The following FGF12 variants were observed in gnomAD, a reference collection of about 807,000 sequenced individuals.
The protein encoded by FGF12 is fibroblast growth factor 12B.
A neutral mutation model predicts 23.6 loss-of-function variants in FGF12; 14 were observed. The observed-to-expected ratio is 0.59, with a 90% confidence interval of 0.39 to 0.93. The LOEUF (loss-of-function observed/expected upper bound fraction) is 0.93. Ranked by LOEUF, FGF12 falls within the 40% of genes least tolerant of loss-of-function variation. The pLI is 0.00. For missense variants in FGF12, 175 were observed against 217.8 expected (o/e 0.80, Z 1.24); for synonymous variants, 62 against 77.3 (o/e 0.80, Z 1.04).
Position 192,143,817 on chromosome 3 carries a change from G to T in FGF12, c.*192C>A. ...GTGCACGTGAATTTTCTACCACATT[G>T]CAACAAGCAAGCTTTGGTTCAATTT... On this transcript the variant is annotated 3_prime_UTR_variant, in exon 6 of 6. Coordinates refer to ENST00000445105, the MANE Select transcript of FGF12 (RefSeq NM_004113.6). 2.0e-6 allele frequency: 1 copy of T among 507,524 alleles called. No individual in the cohort carries two copies. Among genetic ancestry groups the T allele is most frequent in the South Asian group, 3.0e-5 (1 of 33,170 alleles). 31.4% of individuals were successfully genotyped at this position (507,524 alleles called of 1,614,324 possible). A position where few individuals can be genotyped will look rare whatever the true frequency, so the allele number is the denominator to read the frequency against.
intron 2 of FGF12, among the ~76,000 whole-genome samples, chr3:192,532,451 G>A (rs1725115603): frequency 6.6e-6 from 1 of 151,986 alleles, no homozygotes; most frequent in African/African-American, 2.4e-5. Context: ...AGTTCTCCTT[G>A]TAGAGATCTT....
chr3:192,533,718 C>T (rs1725152399), intron 2 of FGF12, among the ~76,000 whole-genome samples: 1 of 152,104 alleles, frequency 6.6e-6, no homozygotes, highest in South Asian at 2.1e-4. Context: ...TAAAGTTTAT[C>T]GTGGGCCAGT....
At chr3:192,226,454 A>G (rs1362091204) in intron 4 of FGF12, among the ~76,000 whole-genome samples, 1 of 152,210 alleles carries the variant, frequency 6.6e-6, no homozygotes, top group Non-Finnish European at 1.5e-5. Flanking sequence ...TGCAAAGACA[A>G]CATAAAATGC....
intron 4 of FGF12, among the ~76,000 whole-genome samples, chr3:192,289,280 G>A (rs1714629360): frequency 6.6e-6 from 1 of 152,118 alleles, no homozygotes; most frequent in Non-Finnish European, 1.5e-5. Flanking sequence ...CTGGTCTCAT[G>A]GAACTTACAT....
intron 2 of FGF12, among the ~76,000 whole-genome samples, chr3:192,524,334 A>G (rs1422315683): frequency 1.3e-5 from 2 of 152,232 alleles, no homozygotes; most frequent in Non-Finnish European, 2.9e-5. Flanking sequence ...CATTCATTTA[A>G]AGATCTGACC....
intron 2 of FGF12, among the ~76,000 whole-genome samples, chr3:192,583,017 C>T (rs1713221832): frequency 6.6e-6 from 1 of 152,178 alleles, no homozygotes; most frequent in African/African-American, 2.4e-5. Context: ...ATCTGTTCCT[C>T]AATCTTTCCA....
At chr3:192,586,495 G>C (rs566491384) in intron 2 of FGF12, among the ~76,000 whole-genome samples, 2 of 152,224 alleles carry the variant, frequency 1.3e-5, no homozygotes, top group East Asian at 3.9e-4. Context: ...AGTAAATGTA[G>C]TTATACAATC....
chr3:192,430,084 T>C (rs1212662854), intron 2 of FGF12, among the ~76,000 whole-genome samples: 2 of 152,120 alleles, frequency 1.3e-5, no homozygotes, highest in East Asian at 1.9e-4. Flanking sequence ...CATATGTTCA[T>C]AGCAGCATAT....
At chr3:192,534,067 A>T in intron 2 of FGF12, 1 of 196,774 alleles carries the variant, frequency 5.1e-6, no homozygotes, top group Non-Finnish European at 1.1e-5. Context: ...CATCTCACAC[A>T]TACACGTGAA....
chr3:192,245,735 A>C (rs1234887806), intron 4 of FGF12, among the ~76,000 whole-genome samples: 4 of 152,186 alleles, frequency 2.6e-5, no homozygotes, highest in Admixed American at 2.6e-4. Context: ...AGTAGCCACA[A>C]ATCATAAGAA....
intron 2 of FGF12, among the ~76,000 whole-genome samples, chr3:192,584,236 G>T (rs796744463): frequency 1.3e-5 from 2 of 152,188 alleles, no homozygotes; most frequent in South Asian, 4.2e-4. Context: ...TTTCCTGAGG[G>T]CACAACTCTA....
rs181999949 is a variant in FGF12 at position 192,509,499 on chromosome 3, A to T, written c.14-148961T>A. On this transcript the variant is annotated intron_variant, in intron 2 of 5. Coordinates refer to ENST00000445105, the MANE Select transcript of FGF12 (RefSeq NM_004113.6). ...GATAACTCTTCCTCTCCTAGATGTG[A>T]TCGGGAGCCTCAAAAGGTAATTTCC... 3.9e-5 allele frequency among the ~76,000 whole-genome samples: 6 copies of T among 152,300 alleles called. No individual in the cohort carries two copies. In the East Asian group the frequency reaches 1.2e-3, roughly 29 times the overall value.
intron 2 of FGF12, among the ~76,000 whole-genome samples, chr3:192,681,763 G>A (rs200791841): frequency 1.0e-4 from 3 of 29,840 alleles, no homozygotes; most frequent in Non-Finnish European, 1.8e-4. Context: ...AATGATGTAT[G>A]CTCATCACCC....
chr3:192,441,676 TTTC>T (rs1426611041), intron 2 of FGF12, among the ~76,000 whole-genome samples: 5 of 152,226 alleles, frequency 3.3e-5, no homozygotes, highest in Non-Finnish European at 2.9e-5. Context: ...TCTGGATTAT[TTTC>T]TTCTTGTCCA....
chr3:192,263,544 A>G (rs958543324), intron 4 of FGF12, among the ~76,000 whole-genome samples: 3 of 150,954 alleles, frequency 2.0e-5, no homozygotes, highest in Non-Finnish European at 4.4e-5. Context: ...ATAAAAAAAA[A>G]GAGGGAAAAA....
intron 4 of FGF12, among the ~76,000 whole-genome samples, chr3:192,202,848 C>G (rs1717442216): frequency 2.0e-5 from 3 of 152,188 alleles, no homozygotes; most frequent in Non-Finnish European, 1.5e-5. Flanking sequence ...GAGCAGCTCT[C>G]TACGTGAAGC....
At chr3:192,479,883 G>C (rs569422374) in intron 2 of FGF12, among the ~76,000 whole-genome samples, 50 of 152,220 alleles carry the variant, frequency 3.3e-4, no homozygotes, top group African/African-American at 1.2e-3. Context: ...AAACACTATA[G>C]AGCATATACA....
At chr3:192,356,828 C>T (rs1718491755) in intron 3 of FGF12, among the ~76,000 whole-genome samples, 1 of 152,184 alleles carries the variant, frequency 6.6e-6, no homozygotes, top group Non-Finnish European at 1.5e-5. Flanking sequence ...ATTTTAACAA[C>T]TTAGAGGTTT....
chr3:192,148,982 G>T (rs971701179), intron 5 of FGF12, among the ~76,000 whole-genome samples: 2 of 152,104 alleles, frequency 1.3e-5, no homozygotes, highest in African/African-American at 4.8e-5. Context: ...AAATAGGGAG[G>T]TGATGACGAA....
Sources: gnomAD v4.1 joint callset for allele counts (sites outside exome capture counted in the v4.1 genomes callset) on GRCh38, gnomAD v4.1.1 for gene constraint, MANE v1.5 for transcripts, NCBI Gene and HGNC (gene_info 2026-07-23, HGNC 2026-07-21) for gene names.